The following WDR26 variants were observed in gnomAD, a reference collection of about 807,000 sequenced individuals.
WDR26 encodes WD repeat domain 26, also known as WD repeat-containing protein 26.
Under a neutral mutation model 84.1 loss-of-function variants are expected in WDR26, and 5 were observed. That is an observed-to-expected ratio of 0.06 (90% CI 0.03 to 0.13). WDR26 has a LOEUF of 0.13. WDR26 is among the 10% of genes least tolerant of loss of function. The pLI, the probability that WDR26 is intolerant of heterozygous loss-of-function variation, is 1.00. For synonymous variants in WDR26, 415 were observed against 389.6 expected (o/e 1.07, Z -0.77); for missense variants, 642 against 974.9 (o/e 0.66, Z 4.55).
intron 6 of WDR26, among the ~76,000 whole-genome samples, chr1:224,414,251 A>AC: frequency 6.6e-6 from 1 of 151,346 alleles, no homozygotes; most frequent in South Asian, 2.1e-4. Context: ...GATTACAGGC[A>AC]CCCACCACCA....
At chr1:224,403,641 T>C (rs1030633312) in intron 8 of WDR26, among the ~76,000 whole-genome samples, 16 of 152,156 alleles carry the variant, frequency 1.1e-4, no homozygotes, top group Admixed American at 4.6e-4. Context: ...AATTTTCATA[T>C]ATAAACAGCA....
intron 7 of WDR26, among the ~76,000 whole-genome samples, chr1:224,411,203 G>A (rs927632996): frequency 6.6e-6 from 1 of 152,000 alleles, no homozygotes; most frequent in Non-Finnish European, 1.5e-5. Context: ...ATTAGATAAT[G>A]CATACACAGA....
chr1:224,391,385 A>AAAAAAAC (rs1673124115), intron 13 of WDR26, among the ~76,000 whole-genome samples: 2 of 45,890 alleles, frequency 4.4e-5, no homozygotes, highest in Non-Finnish European at 4.4e-5. Context: ...AAAAAAAAAC[A>AAAAAAAC]AAAAAAAAAC....
At chr1:224,426,030 G>GT (rs1318294602) in intron 3 of WDR26, among the ~76,000 whole-genome samples, 2 of 152,008 alleles carry the variant, frequency 1.3e-5, no homozygotes, top group Admixed American at 1.3e-4. Context: ...GCTAATTTTT[G>GT]TATTTTTAGT....
rs140278915 is a variant in WDR26 at position 224,401,698 on chromosome 1, A to G, written c.1600-629T>C. On this transcript the variant is annotated intron_variant, in intron 8 of 13. Transcript: ENST00000414423. The stretch of plus-strand genomic sequence containing the variant: ...AAAAAAAAAAAAAAAAAGAAAAAAA[A>G]AAAGAAAAAAGAAAAAAAAAGAGAA... Among the ~76,000 whole-genome samples the G allele has an allele frequency of 3.2e-4, 14 of 43,160 alleles. 2 individuals are homozygous for G. The highest frequency in any genetic ancestry group is 9.1e-4 in the African/African-American group (12 of 13,142). 28.3% of individuals were successfully genotyped at this position (43,160 alleles called of 152,430 possible).
At chr1:224,398,727 A>T (rs1673327401) in intron 10 of WDR26, 134 bp from the exon 11 acceptor site, 1 of 1,186,126 alleles carries the variant, frequency 8.4e-7, no homozygotes, top group Non-Finnish European at 1.2e-6. Context: ...ACTTCAATTG[A>T]GAAGAATCTG....
rs117004890 is a variant in WDR26 at position 224,433,392 on chromosome 1, G to T, written c.722+292C>A. ...AGACAATTAAGCTCTGAAGGTGCGT[G>T]GGGAGAAGTCATTCTTTGGGTTTCT... On this transcript the variant is annotated intron_variant, in intron 1 of 13. Transcript: ENST00000414423. Among the ~76,000 whole-genome samples the T allele has an allele frequency of 3.2e-3, 492 of 152,184 alleles. 13 individuals carry two copies. The highest frequency in any genetic ancestry group is 0.022 in the East Asian group (114 of 5,176).
chr1:224,412,148 C>T (rs1673757657), intron 6 of WDR26, among the ~76,000 whole-genome samples: 1 of 152,112 alleles, frequency 6.6e-6, no homozygotes, highest in South Asian at 2.1e-4. Flanking sequence ...TTAGTATCTA[C>T]CTAACAGGGT....
rs1282363282 is a variant in WDR26 at position 224,419,600 on chromosome 1, G to A, written c.1080C>T (p.Ser360=). ...CTTTTGCACGTAGGTCTTCTGCATG[G>A]CTACACATCAGATACCTAAAAATAC... is the stretch of plus-strand genomic sequence containing the variant. The change falls in exon 5 of 14, where the codon AGC becomes AGT. Residue 360 remains serine, a synonymous_variant. Coordinates refer to ENST00000414423, the MANE Select transcript of WDR26 (RefSeq NM_001379403.1). The A allele has an allele frequency of 3.1e-6, 5 of 1,613,158 alleles. No homozygotes were observed. The African/African-American group carries it at 6.7e-5, about 22-fold the overall frequency.
chr1:224,421,308 A>C (rs1222320031), intron 4 of WDR26, among the ~76,000 whole-genome samples: 2 of 152,336 alleles, frequency 1.3e-5, no homozygotes, highest in Non-Finnish European at 2.9e-5. Context: ...TACCGCATTA[A>C]AAAGGTAATC....
intron 6 of WDR26, among the ~76,000 whole-genome samples, chr1:224,416,241 T>C (rs949469545): frequency 7.2e-5 from 11 of 152,066 alleles, no homozygotes; most frequent in Admixed American, 7.2e-4. Flanking sequence ...CTTTTTTTTT[T>C]TTCTGAGATG....
chr1:224,422,295 AT>A, intron 4 of WDR26, among the ~76,000 whole-genome samples: 1 of 152,344 alleles, frequency 6.6e-6, no homozygotes, highest in Middle Eastern at 3.4e-3. Flanking sequence ...AGGATCAGGG[AT>A]TTTGTGGCCT....
At position 224,400,933 on chromosome 1, in the gene WDR26, G is replaced by A. The variant is rs765545314; in HGVS notation, c.1719+17C>T. ...TTTAAACCAACAGATACTGGGAAGG[G>A]GGCACTGAATACTTACACACTGATA... On this transcript the variant is annotated intron_variant, in intron 9 of 13. Transcript: ENST00000414423. 3 of 1,606,944 alleles carry A rather than the reference G, an allele frequency of 1.9e-6. No homozygotes were observed. The highest frequency in any genetic ancestry group is 2.5e-6 in the Non-Finnish European group (3 of 1,177,798).
At chr1:224,394,457 A>G (rs1210142526) in intron 12 of WDR26, among the ~76,000 whole-genome samples, 1 of 152,046 alleles carries the variant, frequency 6.6e-6, no homozygotes, top group Non-Finnish European at 1.5e-5. Flanking sequence ...CTTAATGCAT[A>G]TTATTTAATC....
At chr1:224,401,316 C>T (rs935901589) in intron 8 of WDR26, among the ~76,000 whole-genome samples, 2 of 152,098 alleles carry the variant, frequency 1.3e-5, no homozygotes. Context: ...ATGAGATAAA[C>T]TTCAATAAAT....
At chr1:224,402,032 T>C (rs1352693126) in intron 8 of WDR26, 1 of 152,208 alleles carries the variant, frequency 6.6e-6, no homozygotes, top group African/African-American at 2.4e-5. Context: ...TTCCATTTTG[T>C]TCATGGATTA....
At chr1:224,417,649 A>G (rs2102912231) in intron 6 of WDR26, among the ~76,000 whole-genome samples, 1 of 152,354 alleles carries the variant, frequency 6.6e-6, no homozygotes, top group Middle Eastern at 3.4e-3. Flanking sequence ...ATAGTAGCCT[A>G]TGATCATGCC....
chr1:224,392,373 G>C (rs1013602017), intron 13 of WDR26, among the ~76,000 whole-genome samples: 1 of 151,176 alleles, frequency 6.6e-6, no homozygotes, highest in African/African-American at 2.4e-5. Context: ...AAAAAGAAAA[G>C]AAAACATATC....
intron 4 of WDR26, among the ~76,000 whole-genome samples, chr1:224,422,849 AT>A (rs1674104009): frequency 6.6e-6 from 1 of 152,204 alleles, no homozygotes. Context: ...AAAATTTTAT[AT>A]TTTTTAGAAT....
Sources: allele counts gnomAD v4.1 joint callset (sites outside exome capture counted in the v4.1 genomes callset), GRCh38; gene constraint gnomAD v4.1.1; transcripts MANE v1.5; gene names NCBI Gene and HGNC (gene_info 2026-07-23, HGNC 2026-07-21).